Variants in CASD1 observed in about 807,000 individuals in gnomAD.
CASD1 encodes the protein N-acetylneuraminate (7)9-O-acetyltransferase.
In CASD1, 41 loss-of-function variants were observed where a neutral mutation model predicts 100.0. The observed-to-expected ratio is 0.41, with a 90% CI of 0.32 to 0.53. The LOEUF (loss-of-function observed/expected upper bound fraction) is 0.53. Ranked by LOEUF, CASD1 falls within the 20% of genes least tolerant of loss-of-function variation. The pLI is 0.25. For missense variants in CASD1, 774 were observed against 948.7 expected, an observed-to-expected ratio of 0.82 and a Z score of 2.42; for synonymous variants, 321 against 315.6, an observed-to-expected ratio of 1.02 and a Z score of -0.18.
At chr7:94,563,382 A>G in the CASD1 span, among the ~76,000 whole-genome samples, 1 of 152,072 alleles carries the variant, frequency 6.6e-6, no homozygotes, top group South Asian at 2.1e-4. Context: ...AGGAAAAACA[A>G]TTTTTTGGTG....
the CASD1 span, among the ~76,000 whole-genome samples, chr7:94,601,274 G>T: frequency 1.3e-5 from 2 of 151,194 alleles, no homozygotes; most frequent in African/African-American, 4.9e-5. Context: ...AGGTATGCAC[G>T]TATGGTTTCT....
At chr7:94,549,302 TA>T (rs971425595) in intron 13 of CASD1, among the ~76,000 whole-genome samples, 4 of 151,982 alleles carry the variant, frequency 2.6e-5, no homozygotes, top group Non-Finnish European at 5.9e-5. Flanking sequence ...TACCAAGTTT[TA>T]AGTCATCTTT....
chr7:94,530,263 G>C lies in CASD1; in HGVS notation c.459+2013G>C, dbSNP rs182542070. Reference sequence around the variant, plus strand: ...GGGGTTATTTCCTGCAAAGGAAACAGCTTGTGCAATGATGCTGAAGATGAT... The same window carrying C: ...GGGGTTATTTCCTGCAAAGGAAACACCTTGTGCAATGATGCTGAAGATGAT... On this transcript the variant is annotated intron_variant, in intron 5 of 17. Transcript: ENST00000297273. Among the ~76,000 whole-genome samples the C allele has an allele frequency of 1.9e-3, 292 of 152,306 alleles. 1 individual carries two copies. The highest frequency in any genetic ancestry group is 0.014 in the Middle Eastern group (4 of 294).
intron 1 of CASD1, among the ~76,000 whole-genome samples, chr7:94,514,069 A>G (rs2116172234): frequency 6.6e-6 from 1 of 152,162 alleles, no homozygotes; most frequent in Middle Eastern, 3.4e-3. Flanking sequence ...ATAAATTTTA[A>G]TTTTTTAAAT....
chr7:94,562,641 G>A, the CASD1 span, among the ~76,000 whole-genome samples: 3 of 148,510 alleles, frequency 2.0e-5, no homozygotes, highest in East Asian at 5.9e-4. Context: ...TTTTTTCTTT[G>A]AGATTACCAA....
chr7:94,511,767 ATTTTT>A (rs1180174872), intron 1 of CASD1, among the ~76,000 whole-genome samples: 3 of 152,016 alleles, frequency 2.0e-5, no homozygotes, highest in African/African-American at 7.2e-5. Context: ...CCTTCCTTTT[ATTTTT>A]TTGTGCTTTT....
chr7:94,615,000 A>G, the CASD1 span, among the ~76,000 whole-genome samples: 1 of 152,202 alleles, frequency 6.6e-6, no homozygotes, highest in Admixed American at 6.5e-5. Flanking sequence ...ATATTTCTAT[A>G]TCACCACTAT....
At chr7:94,613,847 C>T in the CASD1 span, among the ~76,000 whole-genome samples, 1 of 152,070 alleles carries the variant, frequency 6.6e-6, no homozygotes, top group Admixed American at 6.6e-5. Context: ...CACTCAAAAG[C>T]AGCAGCACAA....
chr7:94,545,445 A>G, intron 11 of CASD1, 100 bp from the exon 12 acceptor site: 1 of 811,222 alleles, frequency 1.2e-6, no homozygotes, highest in Admixed American at 2.2e-5. Context: ...AGTCTTAGCC[A>G]TTTATACTCT....
intron 9 of CASD1, among the ~76,000 whole-genome samples, 160 bp from the exon 10 acceptor site, chr7:94,538,807 A>G (rs912886164): frequency 6.6e-6 from 1 of 152,194 alleles, no homozygotes; most frequent in Non-Finnish European, 1.5e-5. Context: ...TTTTAGCAAG[A>G]AATAAAATGA....
the CASD1 span, among the ~76,000 whole-genome samples, chr7:94,563,433 C>A: frequency 1.2e-3 from 182 of 152,106 alleles, no homozygotes; most frequent in Non-Finnish European, 2.2e-3. Flanking sequence ...TAATTACTTA[C>A]CACTTTCAAT....
rs1793604501 is a variant in CASD1, at chr7:94,509,985, G to A, written c.-100G>A. The A allele has an allele frequency of 2.4e-6, 3 of 1,244,902 alleles. No homozygotes were observed. The highest frequency in any genetic ancestry group is 3.0e-6 in the Non-Finnish European group (3 of 985,354). 77.1% of individuals were successfully genotyped at this position (1,244,902 alleles called of 1,614,324 possible). ...CAGGTGGCGGCCTGGGGAGCTGGCGGCCGCTCCTCGCCTGGCTGCAGCGGC... is the reference window on the plus strand; with the variant it reads ...CAGGTGGCGGCCTGGGGAGCTGGCGACCGCTCCTCGCCTGGCTGCAGCGGC... On this transcript the variant is annotated 5_prime_UTR_variant, in exon 1 of 18. Coordinates refer to ENST00000297273, the MANE Select transcript of CASD1 (RefSeq NM_022900.5).
chr7:94,562,508 T>C, the CASD1 span, among the ~76,000 whole-genome samples: 1 of 152,170 alleles, frequency 6.6e-6, no homozygotes, highest in African/African-American at 2.4e-5. Flanking sequence ...GTCCCTGAGT[T>C]GCTCACGAAA....
At position 94,556,398 on chromosome 7, in the gene CASD1, T is replaced by C. The variant is rs1796205498; in HGVS notation, c.*640T>C. ...TACACTTTGTCTCACAGAATAGTTC[T>C]GAGGCTCCATGACAGGGTTTTGTCA... On this transcript the variant is annotated 3_prime_UTR_variant, in exon 18 of 18. Coordinates refer to ENST00000297273, the MANE Select transcript of CASD1 (RefSeq NM_022900.5). 1 of 152,044 alleles carries C rather than the reference T, an allele frequency of 6.6e-6. No individual in the cohort carries two copies. Among genetic ancestry groups the C allele is most frequent in the Non-Finnish European group, 1.5e-5 (1 of 67,920 alleles). 9.4% of individuals were successfully genotyped at this position (152,044 alleles called of 1,614,324 possible). A position where few individuals can be genotyped will look rare whatever the true frequency, so the allele number is the denominator to read the frequency against.
the CASD1 span, among the ~76,000 whole-genome samples, chr7:94,596,679 C>A: frequency 6.6e-6 from 1 of 152,078 alleles, no homozygotes; most frequent in Non-Finnish European, 1.5e-5. Flanking sequence ...TATTAATTAA[C>A]CCTTCTTAAA....
At chr7:94,605,084 A>G in the CASD1 span, among the ~76,000 whole-genome samples, 25,132 of 151,460 alleles carry the variant, frequency 0.17, 2,146 homozygotes, top group East Asian at 0.3. Flanking sequence ...TCCATACATT[A>G]GTCCAGCTAG....
At chr7:94,592,040 A>G in the CASD1 span, among the ~76,000 whole-genome samples, 8 of 152,206 alleles carry the variant, frequency 5.3e-5, no homozygotes. Flanking sequence ...CTGAGATTCA[A>G]CATCCCCTGA....
chr7:94,611,287 C>A, the CASD1 span, among the ~76,000 whole-genome samples: 66 of 152,138 alleles, frequency 4.3e-4, 1 homozygote, highest in Middle Eastern at 3.4e-3. Context: ...GATGGCATAT[C>A]CATAAAATAG....
chr7:94,571,510 A>G, the CASD1 span, among the ~76,000 whole-genome samples: 1 of 152,210 alleles, frequency 6.6e-6, no homozygotes, highest in East Asian at 1.9e-4. Flanking sequence ...TTGGATTTTA[A>G]GGGTGCTGCC....
Sources: allele counts gnomAD v4.1 joint callset (sites outside exome capture counted in the v4.1 genomes callset), GRCh38; gene constraint gnomAD v4.1.1; transcripts MANE v1.5; gene names NCBI Gene and HGNC (gene_info 2026-07-23, HGNC 2026-07-21).